NRCAM: variants seen among roughly 807,000 people sequenced by gnomAD.
NRCAM encodes neuronal cell adhesion molecule.
NRCAM carries 83 observed loss-of-function variants against 156.5 expected under a neutral mutation model. The observed-to-expected ratio is 0.53, with a 90% CI of 0.44 to 0.64. The LOEUF is 0.64. Ranked by LOEUF, NRCAM falls within the 30% of genes least tolerant of loss-of-function variation. The pLI, the probability that NRCAM is intolerant of heterozygous loss-of-function variation, is 0.00. For synonymous variants in NRCAM, 538 were observed against 563.9 expected (o/e 0.95, Z 0.65); for missense variants, 1,417 against 1,597.3 (o/e 0.89, Z 1.92).
intron 2 of NRCAM, among the ~76,000 whole-genome samples, chr7:108,333,898 C>G (rs563184648): frequency 6.6e-6 from 1 of 152,272 alleles, no homozygotes; most frequent in East Asian, 1.9e-4. Flanking sequence ...AAACCCCCAT[C>G]TCTATTGTAT....
chr7:108,419,312 A>T (rs898189482), intron 1 of NRCAM, among the ~76,000 whole-genome samples: 1 of 152,166 alleles, frequency 6.6e-6, no homozygotes, highest in Non-Finnish European at 1.5e-5. Flanking sequence ...GCTCACTTTC[A>T]TAATTTTCTC....
chr7:108,185,877 G>A (rs1357663888), intron 20 of NRCAM, among the ~76,000 whole-genome samples: 1 of 152,070 alleles, frequency 6.6e-6, no homozygotes, highest in African/African-American at 2.4e-5. Flanking sequence ...AATGTAAAAC[G>A]AAATTACTAC....
At chr7:108,248,371 G>A (rs762107816) in intron 3 of NRCAM, among the ~76,000 whole-genome samples, 57 of 152,168 alleles carry the variant, frequency 3.7e-4, no homozygotes, top group Middle Eastern at 6.8e-3. Flanking sequence ...GTATGAACCA[G>A]TTAGGGTAGG....
At chr7:108,426,855 T>C (rs1817913120) in intron 1 of NRCAM, among the ~76,000 whole-genome samples, 1 of 152,252 alleles carries the variant, frequency 6.6e-6, no homozygotes. Flanking sequence ...GATACATGCA[T>C]CCTGCTTACA....
intron 2 of NRCAM, among the ~76,000 whole-genome samples, chr7:108,352,053 G>A (rs2099416719): frequency 6.6e-6 from 1 of 152,164 alleles, no homozygotes; most frequent in African/African-American, 2.4e-5. Context: ...CTTAATGCCT[G>A]AGTAGCACTA....
intron 2 of NRCAM, among the ~76,000 whole-genome samples, chr7:108,364,703 G>A (rs2099580921): frequency 6.7e-6 from 1 of 149,208 alleles, no homozygotes; most frequent in Non-Finnish European, 1.5e-5. Flanking sequence ...CAACATGGAT[G>A]AACCTTAAAA....
chr7:108,402,394 C>T (rs1458115462), intron 1 of NRCAM, among the ~76,000 whole-genome samples: 1 of 152,186 alleles, frequency 6.6e-6, no homozygotes, highest in East Asian at 1.9e-4. Context: ...CTGTTTCTGA[C>T]ACCTTAGGCA....
Position 108,160,455 on chromosome 7 carries a change from G to A in NRCAM, c.3504C>T (p.Gly1168=), listed in dbSNP as rs975785530. Residue 1168 remains glycine, a synonymous_variant, in exon 31 of 33, where the codon GGC becomes GGT. Transcript: ENST00000379028. ...ASRQVDIATQ[G]WFIGLMCAVA... Reference sequence around the variant, plus strand: ...CAGCACACATCAGACCAATGAACCAGCCCTGAGTTGCAATATCCACCTGCC... The same window carrying A: ...CAGCACACATCAGACCAATGAACCAACCCTGAGTTGCAATATCCACCTGCC... 6.2e-7 allele frequency: 1 copy of A among 1,613,640 alleles called. No homozygotes were observed. The highest frequency in any genetic ancestry group is 8.5e-7 in the Non-Finnish European group (1 of 1,179,716).
At chr7:108,410,462 G>T (rs1794024769) in intron 1 of NRCAM, among the ~76,000 whole-genome samples, 1 of 152,186 alleles carries the variant, frequency 6.6e-6, no homozygotes, top group South Asian at 2.1e-4. Context: ...TACAGTGGTT[G>T]CCAGTCCTCA....
At chr7:108,207,858 G>A (rs79026832) in intron 12 of NRCAM, among the ~76,000 whole-genome samples, 199 bp from the exon 13 acceptor site, 6,228 of 152,058 alleles carry the variant, frequency 0.041, 388 homozygotes, top group African/African-American at 0.14. Context: ...ACTCACTGAC[G>A]TATATGTATT....
At chr7:108,342,638 C>T (rs1017028896) in intron 2 of NRCAM, among the ~76,000 whole-genome samples, 2 of 152,188 alleles carry the variant, frequency 1.3e-5, no homozygotes, top group Admixed American at 1.3e-4. Flanking sequence ...ACAGAAAAAA[C>T]AGAAATAGCT....
intron 1 of NRCAM, among the ~76,000 whole-genome samples, chr7:108,448,747 C>T (rs940013348): frequency 6.6e-6 from 1 of 152,070 alleles, no homozygotes; most frequent in African/African-American, 2.4e-5. Flanking sequence ...TGAAAAACTT[C>T]GAGAGTAAAT....
intron 3 of NRCAM, among the ~76,000 whole-genome samples, chr7:108,249,650 T>C (rs1038060146): frequency 2.0e-5 from 3 of 152,232 alleles, no homozygotes; most frequent in Non-Finnish European, 4.4e-5. Context: ...CAGGAGACCA[T>C]GTCCTCTGTG....
rs776893430 is a variant in NRCAM at position 108,194,012 on chromosome 7, G to A, written c.1778+12C>T. The A allele has an allele frequency of 2.5e-5, 41 of 1,609,868 alleles. No individual in the cohort carries two copies. The highest frequency in any genetic ancestry group is 4.0e-5 in the African/African-American group (3 of 74,766). On this transcript the variant is annotated intron_variant, in intron 17 of 32. Coordinates refer to ENST00000379028, the MANE Select transcript of NRCAM (RefSeq NM_001037132.4). ...AGAATGAAGAGAAAGTAAAGAAATCGTCTTCAAATACCTTTCATCACTGGG... is the reference window on the plus strand; with the variant it reads ...AGAATGAAGAGAAAGTAAAGAAATCATCTTCAAATACCTTTCATCACTGGG...
intron 2 of NRCAM, among the ~76,000 whole-genome samples, chr7:108,376,531 T>A (rs1170265298): frequency 2.6e-5 from 4 of 152,088 alleles, no homozygotes; most frequent in Admixed American, 1.3e-4. Context: ...GTGTAAGGGG[T>A]TACAGCAGAG....
intron 1 of NRCAM, among the ~76,000 whole-genome samples, chr7:108,424,778 C>T (rs1814832943): frequency 6.6e-6 from 1 of 151,868 alleles, no homozygotes; most frequent in African/African-American, 2.4e-5. Context: ...AATCCCAAAT[C>T]TGCATGTTAT....
chr7:108,194,762 T>G (rs575478167), intron 15 of NRCAM, among the ~76,000 whole-genome samples: 23 of 152,244 alleles, frequency 1.5e-4, no homozygotes, highest in Non-Finnish European at 3.1e-4. Context: ...GCATATATTC[T>G]GACCTCAGTA....
intron 32 of NRCAM, among the ~76,000 whole-genome samples, chr7:108,153,568 T>G (rs915357358): frequency 6.6e-6 from 1 of 152,120 alleles, no homozygotes; most frequent in African/African-American, 2.4e-5. Flanking sequence ...TAATGATGGC[T>G]GCTATCACCA....
chr7:108,210,189 A>C (rs2083321432), intron 11 of NRCAM, among the ~76,000 whole-genome samples: 1 of 151,856 alleles, frequency 6.6e-6, no homozygotes. Context: ...ATATTATTAC[A>C]CTAATTAAGA....
Sources: gnomAD v4.1 joint callset for allele counts (sites outside exome capture counted in the v4.1 genomes callset) on GRCh38, gnomAD v4.1.1 for gene constraint, MANE v1.5 for transcripts, NCBI Gene and HGNC (gene_info 2026-07-23, HGNC 2026-07-21) for gene names.